The following PDE11A variants were observed in gnomAD, a reference collection of about 807,000 sequenced individuals.
The protein encoded by PDE11A is phosphodiesterase 11A.
PDE11A carries 100 observed loss-of-function variants against 100.5 expected under a neutral mutation model. That is an observed-to-expected ratio of 1.00 (90% confidence interval 0.85 to 1.18). The LOEUF (loss-of-function observed/expected upper bound fraction) is 1.18. Ranked by LOEUF, PDE11A falls within the 50% of genes most tolerant of loss-of-function variation. The pLI, the probability that PDE11A is intolerant of heterozygous loss-of-function variation, is 0.00. For synonymous variants in PDE11A, 381 were observed against 420.8 expected (o/e 0.91, Z 1.16); for missense variants, 1,141 against 1,152.6 (o/e 0.99, Z 0.15).
Position 177,764,343 on chromosome 2 carries a change from G to A in PDE11A, c.1788+4980C>T, listed in dbSNP as rs548610170. On this transcript the variant is annotated intron_variant, in intron 10 of 19. Coordinates refer to ENST00000286063, the MANE Select transcript of PDE11A (RefSeq NM_016953.4). Reference sequence around the variant, plus strand: ...CTGAGGCAGTTACAGTGCTGTAAATGAGTTCATCTCTGATTGCAGCCGTAA... The same window carrying A: ...CTGAGGCAGTTACAGTGCTGTAAATAAGTTCATCTCTGATTGCAGCCGTAA... 3.3e-5 allele frequency among the ~76,000 whole-genome samples: 5 copies of A among 152,310 alleles called. No homozygotes were observed. The South Asian group carries it at 8.3e-4, about 25-fold the overall frequency.
At chr2:177,890,834 T>C (rs2084518304) in intron 4 of PDE11A, among the ~76,000 whole-genome samples, 1 of 152,220 alleles carries the variant, frequency 6.6e-6, no homozygotes, top group Admixed American at 6.5e-5. Flanking sequence ...AATTTAATAG[T>C]TGTGAAAATG....
At chr2:178,087,689 T>C (rs941128150) in intron 2 of PDE11A, among the ~76,000 whole-genome samples, 8 of 152,210 alleles carry the variant, frequency 5.3e-5, no homozygotes, top group Admixed American at 2.6e-4. Flanking sequence ...ATGTAATCTA[T>C]GCATGTAACA....
intron 10 of PDE11A, among the ~76,000 whole-genome samples, chr2:177,763,002 G>A (rs1324716389): frequency 6.6e-6 from 1 of 152,162 alleles, no homozygotes; most frequent in Non-Finnish European, 1.5e-5. Flanking sequence ...ACTCAAGAGT[G>A]ACAAAGTACA....
intron 19 of PDE11A, among the ~76,000 whole-genome samples, chr2:177,642,132 G>A (rs1331899993): frequency 1.3e-5 from 2 of 152,182 alleles, no homozygotes; most frequent in Non-Finnish European, 2.9e-5. Context: ...AATGAAAAGT[G>A]CATTTCTAGA....
chr2:177,705,172 T>C (rs933625968), intron 13 of PDE11A, among the ~76,000 whole-genome samples: 1 of 151,994 alleles, frequency 6.6e-6, no homozygotes, highest in Admixed American at 6.6e-5. Flanking sequence ...AGGTCATGTC[T>C]CTCACATAAT....
intron 18 of PDE11A, among the ~76,000 whole-genome samples, chr2:177,665,082 G>A (rs1190133602): frequency 6.6e-6 from 1 of 152,162 alleles, no homozygotes; most frequent in Non-Finnish European, 1.5e-5. Flanking sequence ...TGGAAGATGG[G>A]AAATAGCAGG....
At chr2:177,949,982 C>T (rs1415490116) in intron 2 of PDE11A, among the ~76,000 whole-genome samples, 2 of 151,382 alleles carry the variant, frequency 1.3e-5, no homozygotes, top group African/African-American at 4.8e-5. Context: ...AAAGATAATG[C>T]TCTTTGTTGA....
intron 1 of PDE11A, among the ~76,000 whole-genome samples, chr2:178,060,181 A>C (rs1414456230): frequency 6.6e-6 from 1 of 152,188 alleles, no homozygotes; most frequent in Admixed American, 6.5e-5. Flanking sequence ...AGAGCCATCT[A>C]TCAATCAGGA....
chr2:177,685,897 T>C (rs1032418177), intron 15 of PDE11A, among the ~76,000 whole-genome samples: 1 of 152,178 alleles, frequency 6.6e-6, no homozygotes. Flanking sequence ...TGCAAATCTA[T>C]GATATGAAAA....
At chr2:177,850,919 CA>C (rs1225636183) in intron 5 of PDE11A, among the ~76,000 whole-genome samples, 2 of 152,186 alleles carry the variant, frequency 1.3e-5, no homozygotes, top group African/African-American at 4.8e-5. Context: ...GAAATAGGAA[CA>C]CTTTTACACT....
intron 2 of PDE11A, among the ~76,000 whole-genome samples, chr2:178,092,231 T>A (rs2087432129): frequency 1.3e-5 from 2 of 152,204 alleles, no homozygotes; most frequent in African/African-American, 4.8e-5. Context: ...TACAAACTAT[T>A]TTGTGCATGT....
At chr2:177,937,600 A>T (rs922164524) in intron 2 of PDE11A, among the ~76,000 whole-genome samples, 6 of 152,200 alleles carry the variant, frequency 3.9e-5, no homozygotes, top group Non-Finnish European at 8.8e-5. Context: ...TACAGGCGTG[A>T]GCCACCGCGT....
chr2:177,682,980 A>T (rs992520531), intron 15 of PDE11A, among the ~76,000 whole-genome samples: 4 of 143,796 alleles, frequency 2.8e-5, no homozygotes, highest in Admixed American at 6.8e-5. Context: ...TTTATGGTAG[A>T]AATCAGACTA....
chr2:177,713,191 T>A (rs1239347888), intron 12 of PDE11A, among the ~76,000 whole-genome samples: 1 of 152,044 alleles, frequency 6.6e-6, no homozygotes, highest in African/African-American at 2.4e-5. Flanking sequence ...GCATTTTTAG[T>A]AGAGATGGGG....
At chr2:177,730,214 T>C (rs2105450323) in intron 10 of PDE11A, among the ~76,000 whole-genome samples, 1 of 152,320 alleles carries the variant, frequency 6.6e-6, no homozygotes, top group South Asian at 2.1e-4. Context: ...CTCCTAATGC[T>C]ATCCTTCCTC....
At chr2:178,098,902 TATGCTAATCTC>T (rs1488290302) in intron 2 of PDE11A, among the ~76,000 whole-genome samples, 1 of 152,240 alleles carries the variant, frequency 6.6e-6, no homozygotes, top group Non-Finnish European at 1.5e-5. Context: ...GTTTAGCTAA[TATGCTAATCTC>T]ATGATACGAT....
chr2:178,035,397 C>CA (rs1163051579), intron 1 of PDE11A, among the ~76,000 whole-genome samples: 5 of 151,970 alleles, frequency 3.3e-5, no homozygotes, highest in African/African-American at 4.8e-5. Flanking sequence ...GCCTACCAAC[C>CA]AAAAAAAGCC....
At chr2:178,013,017 T>G (rs2086290113) in intron 2 of PDE11A, among the ~76,000 whole-genome samples, 1 of 152,200 alleles carries the variant, frequency 6.6e-6, no homozygotes, top group African/African-American at 2.4e-5. Flanking sequence ...TACATTTATA[T>G]TCACTTCTAA....
At chr2:177,822,171 C>A (rs1013959980) in intron 6 of PDE11A, among the ~76,000 whole-genome samples, 2 of 151,830 alleles carry the variant, frequency 1.3e-5, no homozygotes, top group Admixed American at 6.6e-5. Context: ...GTATTCCAAC[C>A]TCATGAAGAT....
Sources: gnomAD v4.1 joint callset for allele counts (sites outside exome capture counted in the v4.1 genomes callset) on GRCh38, gnomAD v4.1.1 for gene constraint, MANE v1.5 for transcripts, NCBI Gene and HGNC (gene_info 2026-07-23, HGNC 2026-07-21) for gene names.